DGKH: variants seen among roughly 807,000 people sequenced by gnomAD.
DGKH encodes the protein diacylglycerol kinase eta.
Under a neutral mutation model 159.3 loss-of-function variants are expected in DGKH, and 90 were observed. The observed-to-expected ratio is 0.57, with a 90% CI of 0.48 to 0.67. The LOEUF is 0.67. Among genes scored for constraint, DGKH ranks in the 30% least tolerant of loss-of-function variants. DGKH has a pLI of 0.00. For synonymous variants in DGKH, 536 were observed against 553.8 expected, an observed-to-expected ratio of 0.97 and a Z score of 0.45; for missense variants, 1,181 against 1,506.1, an observed-to-expected ratio of 0.78 and a Z score of 3.57.
At chr13:42,122,390 GGCAGGGACTCTCT>G (rs1390578791) in intron 1 of DGKH, among the ~76,000 whole-genome samples, 1 of 152,176 alleles carries the variant, frequency 6.6e-6, no homozygotes, top group African/African-American at 2.4e-5. Flanking sequence ...CCTTCTTCCT[GGCAGGGACTCTCT>G]GCAGAGTCCC....
Position 42,231,666 on chromosome 13 carries a change from A to G in DGKH, c.*2478A>G, listed in dbSNP as rs1292292530. 6.6e-6 allele frequency: 1 copy of G among 152,214 alleles called. No homozygotes were observed. The highest frequency in any genetic ancestry group is 1.5e-5 in the Non-Finnish European group (1 of 68,040). The allele number at this position is 152,214 out of a possible 1,614,324, so 9.4% of individuals were successfully genotyped here. On this transcript the variant is annotated 3_prime_UTR_variant, in exon 30 of 30. Coordinates refer to ENST00000337343, the MANE Select transcript of DGKH (RefSeq NM_178009.5). ...ACCCCCCATTCCCCTTTGCTAATAG[A>G]AAAGAGTCTAGCTATGATGTGTCCC...
intron 1 of DGKH, among the ~76,000 whole-genome samples, chr13:42,102,765 G>T (rs1358285508): frequency 6.6e-6 from 1 of 152,174 alleles, no homozygotes; most frequent in African/African-American, 2.4e-5. Context: ...GAGGTGACCA[G>T]AGAACTTTGA....
intron 1 of DGKH, among the ~76,000 whole-genome samples, chr13:42,097,610 T>C (rs1256589176): frequency 6.6e-6 from 1 of 152,214 alleles, no homozygotes; most frequent in Non-Finnish European, 1.5e-5. Context: ...GAATATTTAA[T>C]ATGTAAAATT....
chr13:42,041,963 T>C (rs1880536971), intron 1 of DGKH, among the ~76,000 whole-genome samples: 1 of 152,202 alleles, frequency 6.6e-6, no homozygotes, highest in Admixed American at 6.5e-5. Context: ...GGCTGTCCTT[T>C]TTCTTTTCTA....
At chr13:42,168,399 T>G (rs757662020) in intron 9 of DGKH, 41 bp from the exon 10 acceptor site, 1 of 1,545,068 alleles carries the variant, frequency 6.5e-7, no homozygotes, top group Non-Finnish European at 8.8e-7. Context: ...GAAAGTGATT[T>G]TTATTTCTTT....
At chr13:42,207,915 G>C (rs995911654) in intron 21 of DGKH, among the ~76,000 whole-genome samples, 1 of 151,842 alleles carries the variant, frequency 6.6e-6, no homozygotes, top group Admixed American at 6.6e-5. Context: ...AGTCCTATTC[G>C]AGTATAAAAG....
intron 1 of DGKH, among the ~76,000 whole-genome samples, chr13:42,073,496 G>C (rs1483889504): frequency 6.6e-6 from 1 of 152,114 alleles, no homozygotes. Flanking sequence ...TTTCAGTACA[G>C]TACTCGATAA....
At chr13:42,069,803 G>A in intron 1 of DGKH, 7 of 1,057,116 alleles carry the variant, frequency 6.6e-6, no homozygotes, top group Non-Finnish European at 8.3e-6. Flanking sequence ...TTGTTTTCAT[G>A]ATGATCTGGG....
At chr13:42,122,726 C>T (rs1459399597) in intron 1 of DGKH, among the ~76,000 whole-genome samples, 1 of 152,086 alleles carries the variant, frequency 6.6e-6, no homozygotes, top group African/African-American at 2.4e-5. Context: ...TCTACAGGTC[C>T]TGGGAAAGCT....
chr13:42,221,174 A>C (rs1957961199), intron 28 of DGKH, 90 bp from the exon 29 acceptor site: 1 of 1,524,642 alleles, frequency 6.6e-7, no homozygotes, highest in Non-Finnish European at 8.9e-7. Flanking sequence ...CTGCCGCTGC[A>C]CTCTGTTTTG....
At chr13:42,074,896 T>C (rs1954066717) in intron 1 of DGKH, among the ~76,000 whole-genome samples, 1 of 152,176 alleles carries the variant, frequency 6.6e-6, no homozygotes. Flanking sequence ...AATTTGAAAG[T>C]GTGTGCCACT....
At chr13:42,079,693 T>G (rs1175581488) in intron 1 of DGKH, among the ~76,000 whole-genome samples, 1 of 152,214 alleles carries the variant, frequency 6.6e-6, no homozygotes, top group East Asian at 1.9e-4. Context: ...CTCCTAACTT[T>G]GTATGATCAT....
intron 1 of DGKH, among the ~76,000 whole-genome samples, chr13:42,124,554 G>T (rs555461660): frequency 3.3e-5 from 5 of 152,214 alleles, no homozygotes; most frequent in African/African-American, 1.2e-4. Context: ...GAGACTTGGG[G>T]ACCTTTTAAT....
intron 11 of DGKH, 43 bp downstream of exon 11, chr13:42,168,861 A>G (rs1224000655): frequency 6.4e-7 from 1 of 1,558,632 alleles, no homozygotes; most frequent in Admixed American, 1.9e-5. Context: ...AAAATGGCAT[A>G]CTGAAATCAT....
At chr13:42,078,338 T>C (rs889410797) in intron 1 of DGKH, among the ~76,000 whole-genome samples, 22 of 152,356 alleles carry the variant, frequency 1.4e-4, no homozygotes, top group Admixed American at 1.1e-3. Context: ...CTCCTATTAC[T>C]GGTAGCACTG....
At chr13:42,206,650 C>T (rs1051844554) in intron 21 of DGKH, among the ~76,000 whole-genome samples, 1 of 151,902 alleles carries the variant, frequency 6.6e-6, no homozygotes, top group Non-Finnish European at 1.5e-5. Context: ...TCTTATTTCC[C>T]TGTCTTTGGA....
chr13:42,119,702 CAG>C (rs1301358578), intron 1 of DGKH, among the ~76,000 whole-genome samples: 3 of 152,126 alleles, frequency 2.0e-5, no homozygotes, highest in Non-Finnish European at 2.9e-5. Context: ...AATTTTATAA[CAG>C]AATTTACTAT....
At chr13:42,122,153 G>C (rs188110850) in intron 1 of DGKH, among the ~76,000 whole-genome samples, 1 of 152,276 alleles carries the variant, frequency 6.6e-6, no homozygotes, top group Admixed American at 6.5e-5. Context: ...AGAAGCTAAA[G>C]GGTGAAAGAG....
intron 12 of DGKH, among the ~76,000 whole-genome samples, chr13:42,175,697 A>G (rs1956584083): frequency 6.6e-6 from 1 of 152,230 alleles, no homozygotes; most frequent in Non-Finnish European, 1.5e-5. Context: ...CTTTTTAAAA[A>G]TAAACTTACT....
Sources: gnomAD v4.1 joint callset for allele counts (sites outside exome capture counted in the v4.1 genomes callset) on GRCh38, gnomAD v4.1.1 for gene constraint, MANE v1.5 for transcripts, NCBI Gene and HGNC (gene_info 2026-07-23, HGNC 2026-07-21) for gene names.